The following PXDN variants were observed in gnomAD, a reference collection of about 807,000 sequenced individuals.
PXDN encodes peroxidasin, also known as peroxidasin homolog.
A neutral mutation model predicts 140.3 loss-of-function variants in PXDN; 77 were observed. The ratio of observed to expected loss-of-function variants is 0.55; its 90% CI spans 0.46 to 0.66. The LOEUF (loss-of-function observed/expected upper bound fraction) is 0.66. Ranked by LOEUF, PXDN falls within the 30% of genes least tolerant of loss-of-function variation. The probability of loss-of-function intolerance (pLI) is 0.00; values close to 1 mark genes in which losing one functional copy is unlikely to be tolerated. For synonymous variants in PXDN, 911 were observed against 857.4 expected, an observed-to-expected ratio of 1.06 and a Z score of -1.09; for missense variants, 1,838 against 2,039.5, an observed-to-expected ratio of 0.90 and a Z score of 1.90.
chr2:1,738,977 A>C (rs2125496450), intron 1 of PXDN, among the ~76,000 whole-genome samples: 1 of 152,270 alleles, frequency 6.6e-6, no homozygotes, highest in Middle Eastern at 3.4e-3. Context: ...TGCCCGGACA[A>C]TGCAACACCC....
chr2:1,696,345 C>A (rs1263057638), intron 1 of PXDN, among the ~76,000 whole-genome samples: 2 of 152,130 alleles, frequency 1.3e-5, no homozygotes, highest in Non-Finnish European at 2.9e-5. Flanking sequence ...AGACCTCCCA[C>A]CATGCTCTAA....
Position 1,649,199 on chromosome 2 carries a change from T to C in PXDN, c.2581A>G (p.Met861Val), listed in dbSNP as rs1277384155. The C allele has an allele frequency of 1.4e-6, 2 of 1,394,348 alleles. No individual in the cohort carries two copies. Among genetic ancestry groups the C allele is most frequent in the African/African-American group, 3.0e-5 (2 of 67,486 alleles). 86.4% of individuals were successfully genotyped at this position (1,394,348 alleles called of 1,614,324 possible). Reference sequence around the variant, plus strand: ...GCCCGGGAGTCATTGGGGGGGATCATGACAGAGAAGCAGGGGGGGTCGTTG... The same window carrying C: ...GCCCGGGAGTCATTGGGGGGGATCACGACAGAGAAGCAGGGGGGGTCGTTG... Reference protein sequence around the residue: ...CSNDPPCFSVMIPPNDSRARS... With the variant: ...CSNDPPCFSVVIPPNDSRARS... The change falls in exon 17 of 23, where the codon ATG (methionine) becomes GTG (valine). Residue 861 changes from methionine to valine, a missense_variant. By Grantham distance (21) the Met-to-Val change is conservative. Coordinates refer to ENST00000252804, the MANE Select transcript of PXDN (RefSeq NM_012293.3). This position sits in a 1 kb window ranked among gnomAD's most constrained non-coding sequence, Gnocchi z 7.1.
Position 1,714,739 on chromosome 2 carries a change from A to T in PXDN, c.201-21605T>A, listed in dbSNP as rs1450678058. Among the ~76,000 whole-genome samples the T allele has an allele frequency of 6.6e-6, 1 of 151,990 alleles. No homozygotes were observed. The highest frequency in any genetic ancestry group is 1.5e-5 in the Non-Finnish European group (1 of 67,988). On this transcript the variant is annotated intron_variant, in intron 1 of 22. Transcript: ENST00000252804. The surrounding 1 kb of genome is among the most constrained non-coding windows in gnomAD (Gnocchi z 4.3). ...AAAATGTCCACAGCATGAAATATTTACTCTTCTTTTGATTTTTTTCAGACA... is the reference window on the plus strand; with the variant it reads ...AAAATGTCCACAGCATGAAATATTTTCTCTTCTTTTGATTTTTTTCAGACA...
At chr2:1,730,207 C>T (rs1049976245) in intron 1 of PXDN, among the ~76,000 whole-genome samples, 3 of 152,162 alleles carry the variant, frequency 2.0e-5, no homozygotes, top group African/African-American at 7.2e-5. Flanking sequence ...CTAACATGAA[C>T]ATGTGTAACT....
Position 1,648,443 on chromosome 2 carries a change from C to A in PXDN, c.3337G>T (p.Gly1113Cys). ...FSPFRIVNEG[G>C]IDPLLRGLFG... ...AGCCCCCTGAGAAGCGGATCGATGC[C>A]GCCCTCATTCACAATCCGGAAGGGA... The change falls in exon 17 of 23, where the codon GGC becomes TGC. Residue 1113 changes from glycine (G) to cysteine (C), a missense_variant. Physicochemically the swap from Gly to Cys is radical, Grantham distance 159. Around this residue, in one of 5 missense-constraint regions of PXDN, gnomAD observed 850 missense variants for 894.1 expected, o/e 0.95. Coordinates refer to ENST00000252804, the MANE Select transcript of PXDN (RefSeq NM_012293.3). The surrounding 1 kb of genome is among the most constrained non-coding windows in gnomAD (Gnocchi z 8.9). The A allele has an allele frequency of 6.2e-7, 1 of 1,610,570 alleles. No homozygotes were observed.
At chr2:1,656,977 G>T (rs1338393138) in intron 14 of PXDN, among the ~76,000 whole-genome samples, 1 of 141,668 alleles carries the variant, frequency 7.1e-6, no homozygotes, top group Non-Finnish European at 1.5e-5. Context: ...TCCTGACTGG[G>T]TTCTACTCCC....
intron 1 of PXDN, among the ~76,000 whole-genome samples, chr2:1,730,888 G>A (rs1361558844): frequency 6.6e-6 from 1 of 152,094 alleles, no homozygotes; most frequent in Non-Finnish European, 1.5e-5. Context: ...ACTGGGCCAT[G>A]ATGCATAAAC....
chr2:1,652,956 G>GTGTGTGTT (rs1683048668), intron 16 of PXDN: 1 of 164,708 alleles, frequency 6.1e-6, no homozygotes. Flanking sequence ...GTGTGTGTGT[G>GTGTGTGTT]TGTGTGTGTG....
chr2:1,731,812 T>G (rs764637473), intron 1 of PXDN, among the ~76,000 whole-genome samples: 1 of 152,164 alleles, frequency 6.6e-6, no homozygotes, highest in Non-Finnish European at 1.5e-5. Flanking sequence ...CACACTGTTT[T>G]AAGGCACTGA....
chr2:1,657,736 GGACGGGCCCCCTCCTGACTGA>G (rs1416735640), intron 14 of PXDN, among the ~76,000 whole-genome samples: 1 of 115,028 alleles, frequency 8.7e-6, no homozygotes. Context: ...CACCTGACAG[GGACGGGCCCCCTCCTGACTGA>G]GACCTAGTCC....
chr2:1,640,980 C>T (rs774129389), intron 19 of PXDN, among the ~76,000 whole-genome samples: 28 of 152,318 alleles, frequency 1.8e-4, no homozygotes, highest in Admixed American at 3.3e-4. Context: ...GGCTGGGCCA[C>T]ACCTGCTCAG....
At chr2:1,717,025 C>G (rs1251158784) in intron 1 of PXDN, among the ~76,000 whole-genome samples, 1 of 152,216 alleles carries the variant, frequency 6.6e-6, no homozygotes, top group Admixed American at 6.5e-5. Flanking sequence ...TAAGCACGAT[C>G]TCTGCTGCGC....
At chr2:1,673,076 C>T (rs186574466) in intron 9 of PXDN, among the ~76,000 whole-genome samples, 3 of 152,338 alleles carry the variant, frequency 2.0e-5, no homozygotes, top group East Asian at 3.9e-4. Context: ...CCATGGATAA[C>T]ACAGGTGGAT....
intron 16 of PXDN, chr2:1,652,951 TGTG>T: frequency 6.2e-6 from 1 of 160,882 alleles, no homozygotes; most frequent in Non-Finnish European, 1.4e-5. Flanking sequence ...TGTGTGTGTG[TGTG>T]TGTGTGTGTG....
chr2:1,636,887 C>T (rs1682574071), intron 21 of PXDN: 1 of 152,172 alleles, frequency 6.6e-6, no homozygotes, highest in Non-Finnish European at 1.5e-5. Context: ...CTGCAGTCAC[C>T]AAGATACACG....
In PXDN at chr2:1,732,444, G is replaced by GTC. The variant is rs942040317; in HGVS notation, c.200+11810_200+11811dup. On this transcript the variant is annotated intron_variant, in intron 1 of 22. Transcript: ENST00000252804. ...CACACGGGGCCAGAAGGATCACAGG[G>GTC]TCACACACACACTGGGCCAGAAGTG... Among the ~76,000 whole-genome samples the GTC allele has an allele frequency of 3.5e-4, 52 of 148,804 alleles. 1 individual carries two copies. The East Asian group carries it at 9.4e-3, about 27-fold the overall frequency.
intron 14 of PXDN, among the ~76,000 whole-genome samples, chr2:1,659,495 GA>G (rs1683253529): frequency 6.6e-6 from 1 of 152,002 alleles, no homozygotes; most frequent in African/African-American, 2.4e-5. Context: ...AATGATCACA[GA>G]AAAATAATCC....
chr2:1,649,666 T>C lies in PXDN; in HGVS notation c.2114A>G (p.Tyr705Cys), dbSNP rs756245815. The change falls in exon 17 of 23, where the codon TAC (tyrosine) becomes TGC (cysteine). Residue 705 changes from tyrosine (Y) to cysteine (C), a missense_variant. Physicochemically the swap from Tyr to Cys is radical, Grantham distance 194. This residue lies in a region of PXDN where 537 missense variants were observed against 583.9 expected (regional missense o/e 0.92). Transcript: ENST00000252804. This position sits in a 1 kb window ranked among gnomAD's most constrained non-coding sequence, Gnocchi z 7.1. The stretch of plus-strand genomic sequence containing the variant: ...GTACTGTGGAGACACCAGGTCGTTG[T>C]AGTGGTAACCTGGGACGTGGAGAAA... ...MVDLNGTSYH[Y>C]NDLVSPQYLN... The C allele has an allele frequency of 5.6e-6, 9 of 1,613,746 alleles. No homozygotes were observed. Among genetic ancestry groups the C allele is most frequent in the Non-Finnish European group, 7.6e-6 (9 of 1,179,862 alleles).
At chr2:1,657,896 C>G (rs1007074308) in intron 14 of PXDN, among the ~76,000 whole-genome samples, 40 of 150,452 alleles carry the variant, frequency 2.7e-4, no homozygotes, top group African/African-American at 9.7e-4. Context: ...ACCTGCCCCT[C>G]CTGACTGAGA....
Sources: gnomAD v4.1 joint callset for allele counts (sites outside exome capture counted in the v4.1 genomes callset) on GRCh38, gnomAD v4.1.1 for gene constraint, gnomAD v4.1.1 regional missense constraint, Gnocchi (gnomAD v3.1) non-coding constraint, MANE v1.5 for transcripts, NCBI Gene and HGNC (gene_info 2026-07-23, HGNC 2026-07-21) for gene names.